Variants in RRAGD observed in about 807,000 individuals in gnomAD.
The protein encoded by RRAGD is Ras related GTP binding D.
RRAGD carries 12 observed loss-of-function variants against 35.5 expected under a neutral mutation model. The ratio of observed to expected loss-of-function variants is 0.34; its 90% CI spans 0.22 to 0.55. RRAGD has a LOEUF of 0.55. Among genes scored for constraint, RRAGD ranks in the 20% least tolerant of loss-of-function variants. The probability of loss-of-function intolerance (pLI) is 0.91; values close to 1 mark genes in which losing one functional copy is unlikely to be tolerated. For missense variants in RRAGD, 324 were observed against 490.1 expected (o/e 0.66, Z 3.20); for synonymous variants, 155 against 178.9 (o/e 0.87, Z 1.07).
chr6:89,402,043 T>TTTTTTTTCTTTTTTTTC (rs1274575751), intron 1 of RRAGD, among the ~76,000 whole-genome samples: 1 of 131,470 alleles, frequency 7.6e-6, no homozygotes, highest in African/African-American at 3.2e-5. Flanking sequence ...TAAGGATTTT[T>TTTTTTTTCTTTTTTTTC]TTTTTTTTTT....
chr6:89,410,917 T>A (rs1423278435), intron 1 of RRAGD, among the ~76,000 whole-genome samples: 3 of 152,222 alleles, frequency 2.0e-5, no homozygotes, highest in African/African-American at 7.2e-5. Context: ...TCACTGAGAA[T>A]AACATCATGT....
At chr6:89,393,685 T>G (rs1769279302) in intron 1 of RRAGD, among the ~76,000 whole-genome samples, 1 of 152,112 alleles carries the variant, frequency 6.6e-6, no homozygotes, top group African/African-American at 2.4e-5. Context: ...CATCAAATAT[T>G]CGAGTAATGC....
At chr6:89,393,262 G>A (rs1769270954) in intron 1 of RRAGD, among the ~76,000 whole-genome samples, 1 of 152,240 alleles carries the variant, frequency 6.6e-6, no homozygotes, top group South Asian at 2.1e-4. Flanking sequence ...ACAAAGATGA[G>A]ATTGAAGAGG....
intron 2 of RRAGD, among the ~76,000 whole-genome samples, chr6:89,383,398 A>G (rs1582510771): frequency 6.6e-6 from 1 of 151,286 alleles, no homozygotes; most frequent in East Asian, 1.9e-4. Flanking sequence ...CAAGGACTAA[A>G]AAAAAGAAAA....
intron 2 of RRAGD, among the ~76,000 whole-genome samples, chr6:89,384,860 A>G (rs1769114216): frequency 6.6e-6 from 1 of 152,024 alleles, no homozygotes; most frequent in African/African-American, 2.4e-5. Context: ...GAACTTCTCA[A>G]ACATTCCTAT....
At chr6:89,395,969 C>CAAA (rs5878095) in intron 1 of RRAGD, among the ~76,000 whole-genome samples, 34 of 145,664 alleles carry the variant, frequency 2.3e-4, no homozygotes, top group African/African-American at 7.8e-4. Context: ...ATCCATATGC[C>CAAA]AAAAAAAAAA....
At position 89,372,509 on chromosome 6, in the gene RRAGD, G is replaced by A. The variant is rs1768871238; in HGVS notation, c.979C>T (p.Leu327Phe). 6.2e-7 allele frequency: 1 copy of A among 1,612,312 alleles called. No homozygotes were observed. Among genetic ancestry groups the A allele is most frequent in the African/African-American group, 1.3e-5 (1 of 74,668 alleles). ...AACTTTGTCACCTCTTTTAAATAAAGCACGGTTGTATTATTAAGCTTTATG... is the reference window on the plus strand; with the variant it reads ...AACTTTGTCACCTCTTTTAAATAAAACACGGTTGTATTATTAAGCTTTATG... ...AIIKLNNTTV[L>F]YLKEVTKFLA... Residue 327 changes from leucine to phenylalanine, a missense_variant, in exon 6 of 7, where the codon CTT (leucine) becomes TTT (phenylalanine). By Grantham distance (22) the Leu-to-Phe change is conservative. Around this residue, in one of 5 missense-constraint regions of RRAGD, gnomAD observed 152 missense variants for 296.9 expected, o/e 0.51. Coordinates refer to ENST00000369415, the MANE Select transcript of RRAGD (RefSeq NM_021244.5).
At chr6:89,388,183 T>G (rs961096948) in intron 1 of RRAGD, among the ~76,000 whole-genome samples, 15 of 152,212 alleles carry the variant, frequency 9.9e-5, no homozygotes, top group African/African-American at 3.6e-4. Context: ...AGGCCCACCC[T>G]GGCTCAGGGC....
chr6:89,381,880 G>A (rs1769048962), intron 2 of RRAGD, among the ~76,000 whole-genome samples: 1 of 152,120 alleles, frequency 6.6e-6, no homozygotes, highest in Non-Finnish European at 1.5e-5. Context: ...TGACTTGTCA[G>A]GTCATAGGTA....
At position 89,365,468 on chromosome 6, in the gene RRAGD, T is replaced by C. The variant is rs1265599735; in HGVS notation, c.*2588A>G. ...GCCATACACATCGCAATAAGCTGCC[T>C]CTCATATCAAAAATACAATGCAAAA... On this transcript the variant is annotated 3_prime_UTR_variant, in exon 7 of 7. Transcript: ENST00000369415. The C allele has an allele frequency of 2.0e-5, 3 of 152,208 alleles. No individual in the cohort carries two copies. Among genetic ancestry groups the C allele is most frequent in the Non-Finnish European group, 4.4e-5 (3 of 68,036 alleles). The allele number at this position is 152,208 out of a possible 1,614,324, so 9.4% of individuals were successfully genotyped here. A position where few individuals can be genotyped will look rare whatever the true frequency, so the allele number is the denominator to read the frequency against.
chr6:89,411,630 C>T lies in RRAGD; in HGVS notation c.148+216G>A, dbSNP rs1352456006. 45 of 575,114 alleles carry T rather than the reference C, an allele frequency of 7.8e-5. 1 individual carries two copies. The Admixed American group carries it at 1.4e-3, about 18-fold the overall frequency. The allele number at this position is 575,114 out of a possible 1,614,324, so 35.6% of individuals were successfully genotyped here. The stretch of plus-strand genomic sequence containing the variant: ...TTACTCCCTCCTTCCCCTTTTCCAC[C>T]GATCCTGGTTGCCCCTCCGCCACCA... On this transcript the variant is annotated intron_variant, in intron 1 of 6. Transcript: ENST00000369415. The surrounding 1 kb of genome is among the most constrained non-coding windows in gnomAD (Gnocchi z 5.6).
chr6:89,410,667 G>A (rs1052556100), intron 1 of RRAGD, among the ~76,000 whole-genome samples: 5 of 152,230 alleles, frequency 3.3e-5, no homozygotes, highest in Non-Finnish European at 7.3e-5. Flanking sequence ...TCATCTACCA[G>A]GCGCAAGGCA....
chr6:89,386,429 G>T (rs2127890387), intron 2 of RRAGD, among the ~76,000 whole-genome samples: 2 of 152,302 alleles, frequency 1.3e-5, no homozygotes, highest in South Asian at 4.1e-4. Context: ...ACCTGATACA[G>T]GGAATGACTC....
rs547699546 is a variant in RRAGD at position 89,380,525 on chromosome 6, T to A, written c.445-158A>T. Among the ~76,000 whole-genome samples the A allele has an allele frequency of 2.0e-5, 3 of 151,592 alleles. No homozygotes were observed. The East Asian group carries it at 6.2e-4, about 31-fold the overall frequency. Reference sequence around the variant, plus strand: ...CTTCTTATAATTCCAGTGTGAAAATTTAAGTTCTGTTAACAAAGAGAGGAA... The same window carrying A: ...CTTCTTATAATTCCAGTGTGAAAATATAAGTTCTGTTAACAAAGAGAGGAA... On this transcript the variant is annotated intron_variant, in intron 2 of 6. Transcript: ENST00000369415.
At chr6:89,369,994 C>A (rs1768828614) in intron 6 of RRAGD, among the ~76,000 whole-genome samples, 1 of 152,150 alleles carries the variant, frequency 6.6e-6, no homozygotes, top group Admixed American at 6.5e-5. Flanking sequence ...AATAAAAACA[C>A]CCAGGCACCA....
chr6:89,403,626 T>C (rs1403314850), intron 1 of RRAGD, among the ~76,000 whole-genome samples: 1 of 121,378 alleles, frequency 8.2e-6, no homozygotes, highest in Non-Finnish European at 1.6e-5. Context: ...GTTTTCTTTT[T>C]CTTTTTTTTT....
rs1167122617 is a variant in RRAGD, at chr6:89,365,889, T to C, written c.*2167A>G. 1 of 152,216 alleles carries C rather than the reference T, an allele frequency of 6.6e-6. No homozygotes were observed. The highest frequency in any genetic ancestry group is 6.5e-5 in the Admixed American group (1 of 15,280). The allele number at this position is 152,216 out of a possible 1,614,324, so 9.4% of individuals were successfully genotyped here. A position where few individuals can be genotyped will look rare whatever the true frequency, so the allele number is the denominator to read the frequency against. On this transcript the variant is annotated 3_prime_UTR_variant, in exon 7 of 7. Coordinates refer to ENST00000369415, the MANE Select transcript of RRAGD (RefSeq NM_021244.5). ...GTCATATTAGAAAACTGATTCTTCATTTGCTTATTCAAAGTGAAACAACAT... is the reference window on the plus strand; with the variant it reads ...GTCATATTAGAAAACTGATTCTTCACTTGCTTATTCAAAGTGAAACAACAT...
intron 1 of RRAGD, among the ~76,000 whole-genome samples, chr6:89,388,995 T>G (rs1234941372): frequency 1.3e-5 from 2 of 152,198 alleles, no homozygotes; most frequent in Non-Finnish European, 2.9e-5. Context: ...GCTCAGGCAG[T>G]AATGCGAGCA....
At chr6:89,395,607 C>G (rs529763232) in intron 1 of RRAGD, among the ~76,000 whole-genome samples, 15 of 152,216 alleles carry the variant, frequency 9.9e-5, no homozygotes, top group Non-Finnish European at 2.2e-4. Flanking sequence ...ATATTAAATA[C>G]TCCTTAAATT....
Sources: gnomAD v4.1 joint callset for allele counts (sites outside exome capture counted in the v4.1 genomes callset) on GRCh38, gnomAD v4.1.1 for gene constraint, gnomAD v4.1.1 regional missense constraint, Gnocchi (gnomAD v3.1) non-coding constraint, MANE v1.5 for transcripts, NCBI Gene and HGNC (gene_info 2026-07-23, HGNC 2026-07-21) for gene names.